Variants in NAALADL2 observed in about 807,000 individuals in gnomAD.
NAALADL2 encodes the protein N-acetylated alpha-linked acidic dipeptidase like 2.
NAALADL2 carries 76 observed loss-of-function variants against 87.2 expected under a neutral mutation model. That is an observed-to-expected ratio of 0.87 (90% CI 0.72 to 1.05). The LOEUF is 1.05. NAALADL2 is among the 50% of genes least tolerant of loss of function. The probability of loss-of-function intolerance (pLI) is 0.00; values close to 1 mark genes in which losing one functional copy is unlikely to be tolerated. For synonymous variants in NAALADL2, 354 were observed against 331.0 expected, an observed-to-expected ratio of 1.07 and a Z score of -0.75; for missense variants, 1,089 against 945.8, an observed-to-expected ratio of 1.15 and a Z score of -1.99.
chr3:175,536,810 T>C (rs933317232), intron 9 of NAALADL2, among the ~76,000 whole-genome samples: 1 of 152,104 alleles, frequency 6.6e-6, no homozygotes, highest in African/African-American at 2.4e-5. Context: ...GCAAACCCCG[T>C]CTCTACTAAA....
At chr3:175,672,630 G>A (rs537318899) in intron 11 of NAALADL2, among the ~76,000 whole-genome samples, 2 of 152,192 alleles carry the variant, frequency 1.3e-5, no homozygotes, top group Admixed American at 6.5e-5. Flanking sequence ...GTCATAAATC[G>A]GAAGTTTGAA....
chr3:175,185,294 G>T (rs1196180260), intron 2 of NAALADL2, among the ~76,000 whole-genome samples: 2 of 151,982 alleles, frequency 1.3e-5, no homozygotes, highest in South Asian at 2.1e-4. Context: ...ACTCCTAATT[G>T]TATGCCCTGA....
chr3:174,790,971 G>A (rs1237519210), intron 3 of NAALADL2, among the ~76,000 whole-genome samples: 1 of 152,050 alleles, frequency 6.6e-6, no homozygotes, highest in Non-Finnish European at 1.5e-5. Flanking sequence ...TTTGCGTTTT[G>A]GAGTTTGCTT....
intron 11 of NAALADL2, among the ~76,000 whole-genome samples, chr3:175,695,297 A>G (rs1230946262): frequency 6.6e-6 from 1 of 152,050 alleles, no homozygotes; most frequent in Non-Finnish European, 1.5e-5. Context: ...TATTTTTCCA[A>G]TGTCTGTTGT....
In NAALADL2 at chr3:174,740,705, A is replaced by ATTTTCTGG. The variant is rs1254865531; in HGVS notation, c.-9+2960_-9+2961insTTTCTGGT. On this transcript the variant is annotated intron_variant, in intron 3 of 3. Transcript: ENST00000434257. ...AAAAATTTAGCCATAGCTAAGTATA[A>ATTTTCTGG]TCTAAGCAAAATTTTCTGGTCAATT... Among the ~76,000 whole-genome samples the ATTTTCTGG allele has an allele frequency of 3.9e-5, 6 of 151,990 alleles. No homozygotes were observed. The East Asian group carries it at 1.2e-3, about 29-fold the overall frequency.
chr3:175,005,274 T>C (rs1422379462), intron 1 of NAALADL2, among the ~76,000 whole-genome samples: 1 of 152,174 alleles, frequency 6.6e-6, no homozygotes, highest in Non-Finnish European at 1.5e-5. Flanking sequence ...TCAAATAAGC[T>C]AGAAAGTGGT....
intron 9 of NAALADL2, among the ~76,000 whole-genome samples, chr3:175,555,695 C>T (rs1192598243): frequency 6.6e-6 from 1 of 152,130 alleles, no homozygotes; most frequent in Admixed American, 6.5e-5. Context: ...ACACACACTA[C>T]ACATATATAT....
intron 5 of NAALADL2, among the ~76,000 whole-genome samples, chr3:175,411,137 A>G (rs1318014771): frequency 6.6e-6 from 1 of 152,178 alleles, no homozygotes; most frequent in Non-Finnish European, 1.5e-5. Context: ...TTTAAACCAC[A>G]TGAGTGGAAT....
chr3:175,520,486 G>C (rs921204795), intron 9 of NAALADL2, among the ~76,000 whole-genome samples: 1 of 151,542 alleles, frequency 6.6e-6, no homozygotes, highest in African/African-American at 2.4e-5. Flanking sequence ...TTTTAGTAGA[G>C]ACGGGGTTTC....
At chr3:174,631,222 A>G (rs1325778578) in intron 2 of NAALADL2, among the ~76,000 whole-genome samples, 1 of 152,196 alleles carries the variant, frequency 6.6e-6, no homozygotes, top group Non-Finnish European at 1.5e-5. Context: ...AGTTCAGGCA[A>G]TCTTTCTAAA....
chr3:175,206,321 TAC>T (rs750959695), intron 2 of NAALADL2, among the ~76,000 whole-genome samples: 1,668 of 116,800 alleles, frequency 0.014, 113 homozygotes, highest in African/African-American at 0.055. Flanking sequence ...TACACATACA[TAC>T]ACACACACAC....
intron 2 of NAALADL2, among the ~76,000 whole-genome samples, chr3:175,226,168 G>A (rs913509320): frequency 1.2e-4 from 18 of 152,140 alleles, no homozygotes; most frequent in East Asian, 9.7e-4. Flanking sequence ...CCATATTTTC[G>A]TTGATCAGAA....
chr3:174,789,531 G>C (rs1304357883), intron 3 of NAALADL2, among the ~76,000 whole-genome samples: 1 of 152,150 alleles, frequency 6.6e-6, no homozygotes, highest in African/African-American at 2.4e-5. Flanking sequence ...TTCTAGAAAT[G>C]GTGCTGAGGA....
At chr3:174,990,045 T>C (rs926238477) in intron 1 of NAALADL2, among the ~76,000 whole-genome samples, 5 of 152,116 alleles carry the variant, frequency 3.3e-5, no homozygotes, top group Non-Finnish European at 5.9e-5. Flanking sequence ...AAAAAAAATA[T>C]GGTGTTTTGT....
At chr3:175,797,387 A>G (rs1753624861) in intron 13 of NAALADL2, among the ~76,000 whole-genome samples, 1 of 152,154 alleles carries the variant, frequency 6.6e-6, no homozygotes, top group South Asian at 2.1e-4. Flanking sequence ...TGTGTATGCA[A>G]ATAAGATAGT....
rs190379296 is a variant in NAALADL2, at chr3:174,899,196, A to G, written c.43+39746A>G. 2.9e-3 allele frequency among the ~76,000 whole-genome samples: 435 copies of G among 152,318 alleles called. 3 individuals are homozygous for G. The highest frequency in any genetic ancestry group is 0.01 in the African/African-American group (422 of 41,568). On this transcript the variant is annotated intron_variant, in intron 1 of 13. Transcript: ENST00000454872. ...GCTATTATTAACTAAATTTTATGCT[A>G]TTATTATCACTATTAATAAAAATCT...
chr3:174,974,202 C>T (rs1366980267), intron 1 of NAALADL2, among the ~76,000 whole-genome samples: 1 of 152,100 alleles, frequency 6.6e-6, no homozygotes, highest in East Asian at 1.9e-4. Context: ...AATAACTTTC[C>T]CACAGCTGAA....
intron 11 of NAALADL2, among the ~76,000 whole-genome samples, chr3:175,670,815 A>G (rs189746134): frequency 6.6e-6 from 1 of 151,426 alleles, no homozygotes; most frequent in East Asian, 1.9e-4. Flanking sequence ...TACATCATTC[A>G]TGAAGAATGT....
At chr3:175,026,614 A>G (rs138664566) in intron 1 of NAALADL2, among the ~76,000 whole-genome samples, 1 of 152,018 alleles carries the variant, frequency 6.6e-6, no homozygotes, top group East Asian at 1.9e-4. Context: ...GAGATCACTC[A>G]ATTGCACTTC....
Sources: gnomAD v4.1 joint callset for allele counts (sites outside exome capture counted in the v4.1 genomes callset) on GRCh38, gnomAD v4.1.1 for gene constraint, MANE v1.5 for transcripts, NCBI Gene and HGNC (gene_info 2026-07-23, HGNC 2026-07-21) for gene names.